Variants in ZSCAN30 observed in about 807,000 individuals in gnomAD.
ZSCAN30 encodes zinc finger and SCAN domain-containing protein 30.
ZSCAN30 carries 37 observed loss-of-function variants against 44.3 expected under a neutral mutation model. The observed-to-expected ratio is 0.84, with a 90% CI of 0.64 to 1.10. The LOEUF is 1.10. Among genes scored for constraint, ZSCAN30 ranks in the 50% least tolerant of loss-of-function variants. ZSCAN30 has a pLI of 0.00. For missense variants in ZSCAN30, 549 were observed against 582.6 expected (o/e 0.94, Z 0.59); for synonymous variants, 181 against 204.6 (o/e 0.88, Z 0.98).
rs1410968222 is a variant in ZSCAN30, at chr18:35,263,136, G to A, written c.553+377C>T. On this transcript the variant is annotated intron_variant, in intron 3 of 3. Transcript: ENST00000333206. ...TACAACTGTAGTCCTAGCTACTCTG[G>A]AGGCTGAGGCAGGAGGATCACTTTA... 1.3e-5 allele frequency: 5 copies of A among 370,902 alleles called. 1 individual carries two copies. The highest frequency in any genetic ancestry group is 1.1e-4 in the South Asian group (5 of 46,502). 23.0% of individuals were successfully genotyped at this position (370,902 alleles called of 1,614,324 possible). A position where few individuals can be genotyped will look rare whatever the true frequency, so the allele number is the denominator to read the frequency against.
chr18:35,289,769 T>A (rs1202211260), intron 1 of ZSCAN30: 8 of 152,210 alleles, frequency 5.3e-5, no homozygotes, highest in Non-Finnish European at 1.2e-4. Flanking sequence ...CATCACTTAT[T>A]TCTTGGGCAG....
Position 35,253,984 on chromosome 18 carries a change from A to C in ZSCAN30, c.951T>G (p.Ile317Met). 6.2e-7 allele frequency: 1 copy of C among 1,614,216 alleles called. No homozygotes were observed. The change falls in exon 4 of 4, where the codon ATT (isoleucine) becomes ATG (methionine). Residue 317 changes from isoleucine to methionine, a missense_variant. Ile to Met is a conservative substitution (Grantham distance 10). Transcript: ENST00000333206. ...CTCCAGTATGAATTCTCTGATGTCT[A>C]ATCAGCTTTGAGCTCTGGCAAAAGG... ...GKAFCQSSKL[I>M]RHQRIHTGER...
At chr18:35,257,678 C>T (rs2043882548) in intron 3 of ZSCAN30, among the ~76,000 whole-genome samples, 1 of 152,166 alleles carries the variant, frequency 6.6e-6, no homozygotes, top group Non-Finnish European at 1.5e-5. Flanking sequence ...ATTAAGACAG[C>T]TCCTAACTAT....
intron 1 of ZSCAN30, among the ~76,000 whole-genome samples, chr18:35,271,772 G>T (rs892598610): frequency 5.9e-5 from 9 of 152,358 alleles, no homozygotes; most frequent in African/African-American, 1.9e-4. Context: ...CTTGGGCATG[G>T]CGGGCTGCAG....
intron 1 of ZSCAN30, among the ~76,000 whole-genome samples, chr18:35,272,352 T>TG (rs1332729971): frequency 6.8e-6 from 1 of 146,822 alleles, no homozygotes; most frequent in African/African-American, 2.5e-5. Flanking sequence ...TTTAGAAAGT[T>TG]TTTTTTTTTT....
At chr18:35,273,777 G>A (rs1236655075) in intron 1 of ZSCAN30, among the ~76,000 whole-genome samples, 1 of 152,202 alleles carries the variant, frequency 6.6e-6, no homozygotes, top group African/African-American at 2.4e-5. Context: ...AGGAATTAGA[G>A]TCTAATAAGT....
intron 1 of ZSCAN30, among the ~76,000 whole-genome samples, chr18:35,271,862 C>T (rs528160674): frequency 5.9e-5 from 9 of 152,316 alleles, no homozygotes; most frequent in South Asian, 2.1e-4. Context: ...TGTGGGACCC[C>T]GCGCCCCCTC....
At chr18:35,278,672 C>T (rs941785668) in intron 1 of ZSCAN30, among the ~76,000 whole-genome samples, 1 of 152,200 alleles carries the variant, frequency 6.6e-6, no homozygotes, top group Non-Finnish European at 1.5e-5. Context: ...TTAACAGTTT[C>T]CTCCTCAGTG....
At chr18:35,285,447 A>G (rs555632778) in intron 1 of ZSCAN30, among the ~76,000 whole-genome samples, 1 of 152,346 alleles carries the variant, frequency 6.6e-6, no homozygotes, top group African/African-American at 2.4e-5. Context: ...ATATTAATAT[A>G]TCCTTCTCAA....
At chr18:35,254,637 G>A (rs2043730066) in intron 3 of ZSCAN30, 1 of 579,218 alleles carries the variant, frequency 1.7e-6, no homozygotes, top group South Asian at 2.2e-5. Context: ...TTAGTTAGAG[G>A]GAATGGTGAC....
In ZSCAN30 at chr18:35,270,691, C is replaced by G. The variant is rs144520422; in HGVS notation, c.-103-6236G>C. On this transcript the variant is annotated intron_variant, in intron 1 of 3. Coordinates refer to ENST00000333206, the MANE Select transcript of ZSCAN30 (RefSeq NM_001112734.4). ...CCCCTCCGCGGCTCAAGCAATTCTC[C>G]TGTCTCAGTCTCGCAAGTAGCTGGG... is the stretch of plus-strand genomic sequence containing the variant. 1.6e-4 allele frequency among the ~76,000 whole-genome samples: 24 copies of G among 152,320 alleles called. 1 individual carries two copies. In the East Asian group the frequency reaches 2.1e-3, roughly 13 times the overall value.
chr18:35,260,791 C>G (rs1318840063), intron 3 of ZSCAN30: 1 of 151,994 alleles, frequency 6.6e-6, no homozygotes, highest in Non-Finnish European at 1.5e-5. Context: ...AAAATTTTCT[C>G]CCATTCTGTA....
Position 35,251,219 on chromosome 18 carries a change from AC to A in ZSCAN30, c.*2230del, listed in dbSNP as rs2043581096. 6.6e-6 allele frequency: 1 copy of A among 152,178 alleles called. No individual in the cohort carries two copies. The highest frequency in any genetic ancestry group is 1.5e-5 in the Non-Finnish European group (1 of 68,028). The allele number at this position is 152,178 out of a possible 1,614,324, so 9.4% of individuals were successfully genotyped here. On this transcript the variant is annotated 3_prime_UTR_variant, in exon 4 of 4. Transcript: ENST00000333206. ...GGAAAAATAAACACTAATAGAAAGT[AC>A]TCCAAAATGTTAACAACGTTTCTAT...
intron 1 of ZSCAN30, chr18:35,284,813 C>T (rs576155280): frequency 6.4e-6 from 1 of 155,242 alleles, no homozygotes; most frequent in South Asian, 2.0e-4. Context: ...CTCCTGCCTG[C>T]TTTGGCACTC....
intron 1 of ZSCAN30, among the ~76,000 whole-genome samples, chr18:35,270,607 G>T (rs934637014): frequency 4.6e-5 from 7 of 151,912 alleles, no homozygotes; most frequent in Non-Finnish European, 8.8e-5. Context: ...TTGAGACAGG[G>T]TCTCACTCTC....
At chr18:35,265,143 GAAAAAAAAAA>G (rs11454441) in intron 1 of ZSCAN30, among the ~76,000 whole-genome samples, 1 of 133,698 alleles carries the variant, frequency 7.5e-6, no homozygotes, top group Non-Finnish European at 1.6e-5. Context: ...CTCCGCCTCA[GAAAAAAAAAA>G]AAAAATTACG....
intron 1 of ZSCAN30, among the ~76,000 whole-genome samples, chr18:35,285,762 A>G (rs2044538717): frequency 6.6e-6 from 1 of 152,124 alleles, no homozygotes; most frequent in Admixed American, 6.5e-5. Flanking sequence ...AATAAGAAAT[A>G]TTACAAATCA....
At chr18:35,268,357 G>A (rs540646644) in intron 1 of ZSCAN30, 1 of 152,226 alleles carries the variant, frequency 6.6e-6, no homozygotes, top group Non-Finnish European at 1.5e-5. Flanking sequence ...GGACAAAAGA[G>A]ATGAAAGAAT....
chr18:35,263,286 G>T, intron 3 of ZSCAN30: 1 of 482,842 alleles, frequency 2.1e-6, no homozygotes, highest in Non-Finnish European at 3.6e-6. Flanking sequence ...AAATAATTAT[G>T]GGTATTAGAG....
Sources: gnomAD v4.1 joint callset for allele counts (sites outside exome capture counted in the v4.1 genomes callset) on GRCh38, gnomAD v4.1.1 for gene constraint, MANE v1.5 for transcripts, NCBI Gene and HGNC (gene_info 2026-07-23, HGNC 2026-07-21) for gene names.